The following CFAP410 variants were observed in gnomAD, a reference collection of about 807,000 sequenced individuals.
The protein encoded by CFAP410 is cilia- and flagella-associated protein 410.
In CFAP410, 27 loss-of-function variants were observed where a neutral mutation model predicts 25.7. That is an observed-to-expected ratio of 1.05 (90% CI 0.77 to 1.45). The LOEUF is 1.45. Ranked by LOEUF, CFAP410 falls within the 40% of genes most tolerant of loss-of-function variation. The pLI is 0.00. For missense variants in CFAP410, 428 were observed against 354.1 expected (o/e 1.21, Z -1.67); for synonymous variants, 178 against 158.4 (o/e 1.12, Z -0.93).
intron 6 of CFAP410, chr21:44,330,558 G>T (rs768576190): frequency 1.3e-6 from 2 of 1,549,310 alleles, no homozygotes; most frequent in Non-Finnish European, 1.7e-6. Flanking sequence ...GCCCAGCAGG[G>T]CCCGGGCCCA....
chr21:44,331,773 T>C, intron 5 of CFAP410, 70 bp downstream of exon 5: 1 of 1,463,550 alleles, frequency 6.8e-7, no homozygotes, highest in Non-Finnish European at 9.2e-7. Flanking sequence ...GGAAGCCCCA[T>C]TCACTCCCCG....
chr21:44,334,152 C>T (rs1301676958), intron 3 of CFAP410: 1 of 456,226 alleles, frequency 2.2e-6, no homozygotes, highest in Non-Finnish European at 4.4e-6. Context: ...CGTCCGCGGC[C>T]TCGAGGCTTC....
chr21:44,330,107 C>G lies in CFAP410; in HGVS notation c.*91G>C. The G allele has an allele frequency of 1.4e-6, 2 of 1,412,858 alleles. No individual in the cohort carries two copies. Among genetic ancestry groups the G allele is most frequent in the Middle Eastern group, 2.5e-4 (1 of 4,002 alleles). 87.5% of individuals were successfully genotyped at this position (1,412,858 alleles called of 1,614,324 possible). A position where few individuals can be genotyped will look rare whatever the true frequency, so the allele number is the denominator to read the frequency against. ...GGGAGGCTTTTGTGTGGGGCCGGGG[C>G]TGCGGCCATGGCAGCCACCCTCCAG... On this transcript the variant is annotated 3_prime_UTR_variant, in exon 7 of 7. Transcript: ENST00000339818.
intron 2 of CFAP410, among the ~76,000 whole-genome samples, chr21:44,336,565 A>G (rs1478104175): frequency 1.3e-5 from 2 of 152,166 alleles, no homozygotes; most frequent in Non-Finnish European, 2.9e-5. Context: ...GTGAGAGCCC[A>G]CCATACGCCA....
chr21:44,339,077 T>TC (rs779365569), intron 1 of CFAP410, 41 bp downstream of exon 1: 3 of 1,186,614 alleles, frequency 2.5e-6, no homozygotes, highest in Non-Finnish European at 2.2e-6. Flanking sequence ...CCCCGGCTCC[T>TC]CCCCCCACCC....
rs1486683799 is a variant in CFAP410, at chr21:44,330,480, C to T, written c.643-154G>A. On this transcript the variant is annotated intron_variant, in intron 6 of 6. Coordinates refer to ENST00000339818, the MANE Select transcript of CFAP410 (RefSeq NM_004928.3). ...TGACTGACCGGCACACTCGGAGAAT[C>T]TGAGCAGAGGAGCCCCGCCTGTGGA... 4 of 1,535,492 alleles carry T rather than the reference C, an allele frequency of 2.6e-6. No individual in the cohort carries two copies. In the Middle Eastern group the frequency reaches 5.1e-4, roughly 194 times the overall value.
intron 5 of CFAP410, 103 bp from the exon 6 acceptor site, chr21:44,331,022 A>AT: frequency 9.3e-7 from 1 of 1,073,050 alleles, no homozygotes; most frequent in Non-Finnish European, 1.3e-6. Context: ...GGAGGGGCTC[A>AT]TACAAATCCC....
chr21:44,333,980 G>GC, intron 3 of CFAP410: 23 of 400,990 alleles, frequency 5.7e-5, no homozygotes, highest in South Asian at 4.2e-4. Context: ...GCCGTCCTGA[G>GC]CCCCCCTCCC....
chr21:44,332,701 C>T (rs1317388721), intron 4 of CFAP410: 2 of 346,080 alleles, frequency 5.8e-6, no homozygotes, highest in Non-Finnish European at 5.3e-6. Context: ...CCCCCGCTCG[C>T]CATGGCGCAT....
intron 3 of CFAP410, chr21:44,333,759 G>C (rs149601648): frequency 3.2e-6 from 1 of 314,402 alleles, no homozygotes; most frequent in African/African-American, 2.2e-5. Flanking sequence ...TACAGAACGT[G>C]GACGCGTCAG....
intron 2 of CFAP410, among the ~76,000 whole-genome samples, chr21:44,336,219 G>A (rs1346875643): frequency 1.3e-5 from 2 of 152,146 alleles, no homozygotes; most frequent in South Asian, 4.1e-4. Flanking sequence ...CAGACGCCCC[G>A]CAGACTGAAG....
intron 5 of CFAP410, chr21:44,331,425 C>T: frequency 3.9e-6 from 1 of 253,862 alleles, no homozygotes; most frequent in Non-Finnish European, 7.6e-6. Flanking sequence ...ACTGCAGAGT[C>T]AGCCCTGTGG....
At position 44,339,340 on chromosome 21, in the gene CFAP410, G is replaced by T. The variant is rs2047826105; in HGVS notation, c.-146C>A. 2 of 459,016 alleles carry T rather than the reference G, an allele frequency of 4.4e-6. No individual in the cohort carries two copies. The highest frequency in any genetic ancestry group is 7.4e-6 in the Non-Finnish European group (2 of 270,770). 28.4% of individuals were successfully genotyped at this position (459,016 alleles called of 1,614,324 possible). On this transcript the variant is annotated 5_prime_UTR_variant, in exon 1 of 7. Transcript: ENST00000339818. Reference sequence around the variant, plus strand: ...ATTGGCGGCTCGGTGAGGAGAGCGGGGCGACGCGAGCCCGCTGGGGCCGCT... The same window carrying T: ...ATTGGCGGCTCGGTGAGGAGAGCGGTGCGACGCGAGCCCGCTGGGGCCGCT...
chr21:44,332,660 C>T (rs576111001), intron 4 of CFAP410: 1 of 243,194 alleles, frequency 4.1e-6, no homozygotes, highest in East Asian at 8.2e-5. Flanking sequence ...TCCCTGTGGA[C>T]CAGTGCGATG....
At chr21:44,335,714 G>A (rs750472057) in intron 3 of CFAP410, 44 bp downstream of exon 3, 15 of 1,518,988 alleles carry the variant, frequency 9.9e-6, no homozygotes, top group Admixed American at 3.7e-5. Flanking sequence ...GCTCTGCCCC[G>A]GCTTCCAGGC....
At position 44,339,209 on chromosome 21, in the gene CFAP410, C is replaced by A. The variant is rs1179739453; in HGVS notation, c.-15G>T. The A allele has an allele frequency of 1.4e-6, 2 of 1,434,246 alleles. No individual in the cohort carries two copies. Among genetic ancestry groups the A allele is most frequent in the African/African-American group, 3.0e-5 (2 of 66,682 alleles). 88.8% of individuals were successfully genotyped at this position (1,434,246 alleles called of 1,614,324 possible). A position where few individuals can be genotyped will look rare whatever the true frequency, so the allele number is the denominator to read the frequency against. On this transcript the variant is annotated 5_prime_UTR_variant, in exon 1 of 7. Transcript: ENST00000339818. The stretch of plus-strand genomic sequence containing the variant: ...GTCAGCTTCATGGCGGCCGCCCAGG[C>A]CCGACCGGCGGGCGCCCCCGGCCTC...
At chr21:44,336,792 T>C (rs1006705776) in intron 2 of CFAP410, 1 of 151,836 alleles carries the variant, frequency 6.6e-6, no homozygotes, top group African/African-American at 2.4e-5. Context: ...AATAAAGAGA[T>C]AAATAATTGC....
At position 44,329,206 on chromosome 21, in the gene CFAP410, G is replaced by A. The variant is rs2047592456; in HGVS notation, c.*992C>T. On this transcript the variant is annotated 3_prime_UTR_variant, in exon 7 of 7. Transcript: ENST00000339818. ...GGCTCTGGTGACGGTGGCACGGCAT[G>A]GCCCCGAGCTTGGGAGAACAGCGGC... The A allele has an allele frequency of 6.6e-6, 1 of 152,450 alleles. No homozygotes were observed. Among genetic ancestry groups the A allele is most frequent in the South Asian group, 2.1e-4 (1 of 4,832 alleles). The allele number at this position is 152,450 out of a possible 1,614,324, so 9.4% of individuals were successfully genotyped here.
In CFAP410 at chr21:44,329,002, C is replaced by CA. The variant is rs1342725853; in HGVS notation, c.*1195dup. ...CACTCCACAGTCCCAAGGAGGCAGA[C>CA]ACAGGCCTGAACTGTCCACCCTCTA... is the stretch of plus-strand genomic sequence containing the variant. On this transcript the variant is annotated 3_prime_UTR_variant, in exon 7 of 7. Transcript: ENST00000339818. The CA allele has an allele frequency of 6.6e-6, 1 of 152,570 alleles. No homozygotes were observed. Among genetic ancestry groups the CA allele is most frequent in the East Asian group, 1.9e-4 (1 of 5,204 alleles). 9.5% of individuals were successfully genotyped at this position (152,570 alleles called of 1,614,324 possible). A position where few individuals can be genotyped will look rare whatever the true frequency, so the allele number is the denominator to read the frequency against.
Sources: allele counts gnomAD v4.1 joint callset (sites outside exome capture counted in the v4.1 genomes callset), GRCh38; gene constraint gnomAD v4.1.1; transcripts MANE v1.5; gene names NCBI Gene and HGNC (gene_info 2026-07-23, HGNC 2026-07-21).